The following EEF2K variants were observed in gnomAD, a reference collection of about 807,000 sequenced individuals.
EEF2K encodes the protein eukaryotic elongation factor 2 kinase.
EEF2K carries 70 observed loss-of-function variants against 93.8 expected under a neutral mutation model. That is an observed-to-expected ratio of 0.75 (90% confidence interval 0.62 to 0.91). The LOEUF is 0.91. EEF2K is among the 40% of genes least tolerant of loss of function. The pLI is 0.00. For synonymous variants in EEF2K, 376 were observed against 380.8 expected, an observed-to-expected ratio of 0.99 and a Z score of 0.15; for missense variants, 935 against 972.9, an observed-to-expected ratio of 0.96 and a Z score of 0.52.
chr16:22,251,280 G>C lies in EEF2K; in HGVS notation c.576G>C (p.Lys192Asn). The change falls in exon 6 of 18, where the codon AAG becomes AAC. Residue 192 changes from lysine (K) to asparagine (N), a missense_variant. Transcript: ENST00000263026. ...FEDVRLQMEA[K>N]LWGEEYNRHK... ...ACGTGCGTCTACAGATGGAGGCCAAGCTCTGGGGGGAGGAGTATAATCGGC... is the reference window on the plus strand; with the variant it reads ...ACGTGCGTCTACAGATGGAGGCCAACCTCTGGGGGGAGGAGTATAATCGGC... 6.2e-7 allele frequency: 1 copy of C among 1,614,182 alleles called. No individual in the cohort carries two copies. Among genetic ancestry groups the C allele is most frequent in the South Asian group, 1.1e-5 (1 of 91,082 alleles).
At chr16:22,249,743 GACTACAGGGGTGCACCGTC>G (rs2047330438) in intron 4 of EEF2K, among the ~76,000 whole-genome samples, 1 of 151,954 alleles carries the variant, frequency 6.6e-6, no homozygotes, top group Admixed American at 6.6e-5. Context: ...GAGTAGCTCA[GACTACAGGGGTGCACCGTC>G]ACACCCAGTC....
intron 4 of EEF2K, 84 bp from the exon 5 acceptor site, chr16:22,250,570 G>T (rs148981952): frequency 3.2e-6 from 5 of 1,540,952 alleles, no homozygotes; most frequent in Non-Finnish European, 4.5e-6. Context: ...TTGATAGGTG[G>T]CATGTAAGGG....
At chr16:22,262,648 T>G (rs550987881) in intron 11 of EEF2K, among the ~76,000 whole-genome samples, 13 of 152,226 alleles carry the variant, frequency 8.5e-5, no homozygotes, top group Middle Eastern at 3.4e-3. Context: ...TGAGTCACTC[T>G]CAGTAAAGCA....
chr16:22,211,478 G>A (rs1205230052), intron 1 of EEF2K, among the ~76,000 whole-genome samples: 2 of 152,100 alleles, frequency 1.3e-5, no homozygotes, highest in African/African-American at 4.8e-5. Context: ...TGGGGGCGGG[G>A]GGATAGAGTC....
intron 16 of EEF2K, among the ~76,000 whole-genome samples, chr16:22,278,594 C>T (rs2047663728): frequency 6.6e-6 from 1 of 152,148 alleles, no homozygotes; most frequent in Admixed American, 6.5e-5. Context: ...GACAGGGCCG[C>T]AGAGGGCACT....
rs573673202 is a variant in EEF2K, at chr16:22,266,645, G to A, written c.1576-43G>A. 120 of 1,586,476 alleles carry A rather than the reference G, an allele frequency of 7.6e-5. No individual in the cohort carries two copies. The African/African-American group carries it at 1.4e-3, about 19-fold the overall frequency. ...GCTGGGCGGTCTTGGGTGCGGCTTT[G>A]GCCCGCCAGACAGCCAGGCCGACAC... On this transcript the variant is annotated intron_variant, in intron 14 of 17. Coordinates refer to ENST00000263026, the MANE Select transcript of EEF2K (RefSeq NM_013302.5).
chr16:22,280,699 C>G (rs548013902), intron 17 of EEF2K, among the ~76,000 whole-genome samples: 246 of 138,594 alleles, frequency 1.8e-3, no homozygotes, highest in Non-Finnish European at 3.1e-3. Context: ...GAGTCTCGCT[C>G]TATAGCCCAG....
rs539818159 is a variant in EEF2K at position 22,270,347 on chromosome 16, A to T, written c.1765-3279A>T. On this transcript the variant is annotated intron_variant, in intron 15 of 17. Coordinates refer to ENST00000263026, the MANE Select transcript of EEF2K (RefSeq NM_013302.5). Reference sequence around the variant, plus strand: ...ACCATGTTGGCCAGGCTGGTCTCGAACTCCTGACCTCATGTGATCCACCCA... The same window carrying T: ...ACCATGTTGGCCAGGCTGGTCTCGATCTCCTGACCTCATGTGATCCACCCA... Among the ~76,000 whole-genome samples the T allele has an allele frequency of 9.9e-5, 15 of 151,450 alleles. No individual in the cohort carries two copies. In the South Asian group the frequency reaches 3.1e-3, roughly 32 times the overall value.
At position 22,242,580 on chromosome 16, in the gene EEF2K, G is replaced by A. The variant is rs189759635; in HGVS notation, c.247-2050G>A. Among the ~76,000 whole-genome samples the A allele has an allele frequency of 2.6e-4, 39 of 151,988 alleles. No individual in the cohort carries two copies. In the East Asian group the frequency reaches 5.8e-3, roughly 23 times the overall value. On this transcript the variant is annotated intron_variant, in intron 2 of 17. Transcript: ENST00000263026. ...ATCTGCCTCGGCCTCCCAAAGTGCT[G>A]GGATTACAGGCGTGAGCCACCATGC... is the stretch of plus-strand genomic sequence containing the variant.
intron 15 of EEF2K, among the ~76,000 whole-genome samples, chr16:22,272,220 C>A (rs1598204581): frequency 6.6e-6 from 1 of 152,326 alleles, no homozygotes; most frequent in East Asian, 1.9e-4. Flanking sequence ...CACACAAAAA[C>A]TTGTACACAA....
intron 1 of EEF2K, among the ~76,000 whole-genome samples, chr16:22,222,518 T>C (rs2047023973): frequency 6.6e-6 from 1 of 151,708 alleles, no homozygotes; most frequent in African/African-American, 2.4e-5. Context: ...TTTCTTTTCT[T>C]TAAAACTTTG....
chr16:22,276,620 T>C (rs2047638655), intron 16 of EEF2K, among the ~76,000 whole-genome samples: 1 of 152,098 alleles, frequency 6.6e-6, no homozygotes, highest in Admixed American at 6.6e-5. Context: ...CCCTCGCCAA[T>C]GGGATAGCAT....
intron 2 of EEF2K, among the ~76,000 whole-genome samples, chr16:22,233,293 T>C (rs1167000805): frequency 2.0e-5 from 3 of 152,186 alleles, no homozygotes; most frequent in Non-Finnish European, 4.4e-5. Flanking sequence ...GTTCCTTTTC[T>C]CCTTCTCTGT....
chr16:22,237,378 CTG>C (rs1390263886), intron 2 of EEF2K, among the ~76,000 whole-genome samples: 1 of 151,916 alleles, frequency 6.6e-6, no homozygotes, highest in East Asian at 1.9e-4. Context: ...TGGCTTATGT[CTG>C]TAATCCCAGC....
intron 1 of EEF2K, among the ~76,000 whole-genome samples, chr16:22,221,499 G>C (rs141344504): frequency 6.6e-6 from 1 of 151,926 alleles, no homozygotes; most frequent in African/African-American, 2.4e-5. Flanking sequence ...TAGCAAGAGC[G>C]CATTATACAA....
At chr16:22,236,686 C>T (rs1358921299) in intron 2 of EEF2K, among the ~76,000 whole-genome samples, 1 of 151,762 alleles carries the variant, frequency 6.6e-6, no homozygotes, top group East Asian at 1.9e-4. Context: ...GATAACATCC[C>T]ACGTGCCAAA....
Position 22,209,855 on chromosome 16 carries a change from C to T in EEF2K, c.-77+3176C>T, listed in dbSNP as rs190688256. ...TCACCCAGGCTGCGGTGCAGTGGCACAGTCACAGCTCACTGCAGCCTGGAA... is the reference window on the plus strand; with the variant it reads ...TCACCCAGGCTGCGGTGCAGTGGCATAGTCACAGCTCACTGCAGCCTGGAA... On this transcript the variant is annotated intron_variant, in intron 1 of 17. Coordinates refer to ENST00000263026, the MANE Select transcript of EEF2K (RefSeq NM_013302.5). 3.5e-4 allele frequency among the ~76,000 whole-genome samples: 54 copies of T among 152,332 alleles called. No individual in the cohort carries two copies. In the East Asian group the frequency reaches 6.4e-3, roughly 18 times the overall value.
intron 11 of EEF2K, 51 bp downstream of exon 11, chr16:22,260,580 G>T (rs1262958930): frequency 6.2e-7 from 1 of 1,610,482 alleles, no homozygotes; most frequent in Admixed American, 1.7e-5. Flanking sequence ...GCAGGGGTAG[G>T]AGTGGATTCA....
intron 2 of EEF2K, among the ~76,000 whole-genome samples, chr16:22,235,370 A>G (rs572646436): frequency 6.6e-6 from 1 of 152,240 alleles, no homozygotes; most frequent in South Asian, 2.1e-4. Flanking sequence ...TTCGGCAAGC[A>G]AGAAATCATC....
Sources: allele counts gnomAD v4.1 joint callset (sites outside exome capture counted in the v4.1 genomes callset), GRCh38; gene constraint gnomAD v4.1.1; transcripts MANE v1.5; gene names NCBI Gene and HGNC (gene_info 2026-07-23, HGNC 2026-07-21).